Variants in CHAT observed in about 807,000 individuals in gnomAD.
The protein encoded by CHAT is choline O-acetyltransferase, also known as acetyl CoA:choline O-acetyltransferase.
Under a neutral mutation model 76.9 loss-of-function variants are expected in CHAT, and 61 were observed. The ratio of observed to expected loss-of-function variants is 0.79; its 90% CI spans 0.65 to 0.98. The LOEUF (loss-of-function observed/expected upper bound fraction) is 0.98, where lower values mean the gene tolerates loss of function less well. CHAT is among the 50% of genes least tolerant of loss of function. CHAT has a pLI of 0.00. For missense variants in CHAT, 946 were observed against 986.9 expected (o/e 0.96, Z 0.56); for synonymous variants, 407 against 397.4 (o/e 1.02, Z -0.29).
chr10:49,667,619 GAAAGGAGCCTGCTCCAGGTGTCCCC>G lies in CHAT; in HGVS notation c.*2578_*2602del, dbSNP rs1840365370. Among the ~76,000 whole-genome samples, 1 of 152,208 alleles carries G rather than the reference GAAAGGAGCCTGCTCCAGGTGTCCCC, an allele frequency of 6.6e-6. No individual in the cohort carries two copies. Among genetic ancestry groups the G allele is most frequent in the South Asian group, 2.1e-4 (1 of 4,830 alleles). ...AAGGGCATCTCTGCGGGGACCCTGG[GAAAGGAGCCTGCTCCAGGTGTCCCC>G]AAAGAGATGGAAAACAAGACAGTCA... On this transcript the variant is annotated 3_prime_UTR_variant, in exon 15 of 15. Transcript: ENST00000337653.
In CHAT at chr10:49,664,973, T is replaced by C; in HGVS notation, c.2174T>C (p.Leu725Pro). ...GACATGAGAGACCTCTGCAGTCTGC[T>C]GCCGCCTACTGAGAGCAAGCCATTG... ...LIDMRDLCSLLPPTESKPLAT... is the reference protein window; with the variant it reads ...LIDMRDLCSLPPPTESKPLAT... Residue 725 changes from leucine to proline, a missense_variant, in exon 15 of 15, where the codon CTG becomes CCG. Around this residue, in one of 3 missense-constraint regions of CHAT, gnomAD observed 349 missense variants for 393.9 expected, o/e 0.89. Coordinates refer to ENST00000337653, the MANE Select transcript of CHAT (RefSeq NM_020549.5). 6.2e-7 allele frequency: 1 copy of C among 1,614,256 alleles called. No homozygotes were observed. The highest frequency in any genetic ancestry group is 8.5e-7 in the Non-Finnish European group (1 of 1,180,046).
At chr10:49,648,427 AG>A in intron 8 of CHAT, 79 bp from the exon 9 acceptor site, 1 of 1,033,182 alleles carries the variant, frequency 9.7e-7, no homozygotes, top group Non-Finnish European at 1.5e-6. Flanking sequence ...CTGAGAAGCC[AG>A]GGGCCTAACC....
At chr10:49,653,628 G>A (rs146520631) in intron 11 of CHAT, among the ~76,000 whole-genome samples, 2 of 152,348 alleles carry the variant, frequency 1.3e-5, no homozygotes, top group African/African-American at 4.8e-5. Flanking sequence ...GAAGGCCGAT[G>A]TCATCCCACA....
intron 13 of CHAT, among the ~76,000 whole-genome samples, chr10:49,657,975 A>C (rs1590623577): frequency 6.6e-6 from 1 of 152,398 alleles, no homozygotes. Context: ...TCATATTTTC[A>C]GTGCTTTATT....
rs1590632604 is a variant in CHAT at position 49,666,869 on chromosome 10, G to C, written c.*1823G>C. On this transcript the variant is annotated 3_prime_UTR_variant, in exon 15 of 15. Coordinates refer to ENST00000337653, the MANE Select transcript of CHAT (RefSeq NM_020549.5). ...TCTGGGGAAAGGCAGCCCACCTGCT[G>C]TAAGTTGGCCCAAAGCTACTTGTCT... Among the ~76,000 whole-genome samples the C allele has an allele frequency of 6.6e-6, 1 of 152,216 alleles. No homozygotes were observed. Among genetic ancestry groups the C allele is most frequent in the Non-Finnish European group, 1.5e-5 (1 of 68,044 alleles).
rs376561827 is a variant in CHAT, at chr10:49,641,503, T to G, written c.1112-5002T>G. Among the ~76,000 whole-genome samples, 11 of 152,340 alleles carry G rather than the reference T, an allele frequency of 7.2e-5. No individual in the cohort carries two copies. The East Asian group carries it at 1.5e-3, about 21-fold the overall frequency. On this transcript the variant is annotated intron_variant, in intron 7 of 14. Coordinates refer to ENST00000337653, the MANE Select transcript of CHAT (RefSeq NM_020549.5). ...GATGTAACTCAAGTCAAAGCAGTTCTGTTTTGCAAGAGTGAGAAATACTTT... is the reference window on the plus strand; with the variant it reads ...GATGTAACTCAAGTCAAAGCAGTTCGGTTTTGCAAGAGTGAGAAATACTTT...
chr10:49,624,808 T>C (rs1385428162), intron 5 of CHAT, among the ~76,000 whole-genome samples: 1 of 150,946 alleles, frequency 6.6e-6, no homozygotes, highest in African/African-American at 2.4e-5. Context: ...GATGGGTCGA[T>C]GGAAGGATGG....
At chr10:49,625,440 G>T (rs772084714) in intron 5 of CHAT, 33 bp from the exon 6 acceptor site, 1 of 1,607,548 alleles carries the variant, frequency 6.2e-7, no homozygotes, top group South Asian at 1.1e-5. Context: ...CCATCCCCTC[G>T]TGGCTGCCTC....
chr10:49,657,204 T>C (rs1229326767), intron 13 of CHAT, among the ~76,000 whole-genome samples: 1 of 152,146 alleles, frequency 6.6e-6, no homozygotes, highest in Non-Finnish European at 1.5e-5. Context: ...CAAAGCCTGC[T>C]CTGTGCTTCC....
At chr10:49,635,096 C>T (rs1236862982) in intron 7 of CHAT, among the ~76,000 whole-genome samples, 1 of 152,194 alleles carries the variant, frequency 6.6e-6, no homozygotes, top group Non-Finnish European at 1.5e-5. Flanking sequence ...CACCTCACCC[C>T]CTTCTTAACT....
At chr10:49,611,023 G>C (rs1314802904), upstream of CHAT, 4 of 1,613,718 alleles carry the variant, frequency 2.5e-6, no homozygotes, top group Non-Finnish European at 3.4e-6. Context: ...CGCCTACACG[G>C]CCAACACCTC....
upstream of CHAT, chr10:49,611,637 CA>C: frequency 6.2e-7 from 1 of 1,612,068 alleles, no homozygotes; most frequent in Non-Finnish European, 8.5e-7. Flanking sequence ...GCGCGCTCAC[CA>C]CCTGTAACAT....
rs1195667737 is a variant in CHAT, at chr10:49,665,196, G to A, written c.*150G>A. 8 of 855,680 alleles carry A rather than the reference G, an allele frequency of 9.3e-6. No homozygotes were observed. Among genetic ancestry groups the A allele is most frequent in the Non-Finnish European group, 1.5e-5 (8 of 522,258 alleles). The allele number at this position is 855,680 out of a possible 1,614,324, so 53.0% of individuals were successfully genotyped here. ...CATACAGAGACATCACACAGAGCCG[G>A]AGTGTTAGGAGGAAAGGGTCCCCTC... On this transcript the variant is annotated 3_prime_UTR_variant, in exon 15 of 15. Coordinates refer to ENST00000337653, the MANE Select transcript of CHAT (RefSeq NM_020549.5).
intron 5 of CHAT, among the ~76,000 whole-genome samples, chr10:49,623,271 G>GCC (rs1220614485): frequency 6.8e-6 from 1 of 147,522 alleles, no homozygotes; most frequent in African/African-American, 2.7e-5. Flanking sequence ...ATCACTGACT[G>GCC]CCCCCACGAG....
intron 7 of CHAT, among the ~76,000 whole-genome samples, chr10:49,643,664 G>A (rs1839562091): frequency 3.9e-5 from 6 of 152,194 alleles, no homozygotes; most frequent in Admixed American, 3.9e-4. Flanking sequence ...AATTCATGAA[G>A]CTCAAAGCCT....
In CHAT at chr10:49,616,517, T is replaced by C; in HGVS notation, c.302T>C (p.Ile101Thr). ...TGGTCCCCAGGTCCACACCTCTGCA[T>C]CCCTGCACCAGGACTCACCAAGACG... ...EPRRAGPHLC[I>T]PAPGLTKTPI... is the part of the protein sequence containing the mutation. The change falls in exon 2 of 15, where the codon ATC becomes ACC. Residue 101 changes from isoleucine (I) to threonine (T), a missense_variant. Physicochemically the swap from Ile to Thr is moderately conservative, Grantham distance 89. Transcript: ENST00000337653. 2 of 1,612,562 alleles carry C rather than the reference T, an allele frequency of 1.2e-6. No individual in the cohort carries two copies. The highest frequency in any genetic ancestry group is 1.1e-5 in the South Asian group (1 of 90,736).
chr10:49,614,670 G>A (rs1347831484), intron 1 of CHAT, among the ~76,000 whole-genome samples, 195 bp downstream of exon 1: 2 of 152,358 alleles, frequency 1.3e-5, no homozygotes, highest in African/African-American at 4.8e-5. Flanking sequence ...GCCTGGGCTT[G>A]GGGAGGCTTA....
At position 49,640,150 on chromosome 10, in the gene CHAT, TTTTA is replaced by T. The variant is rs1201297095; in HGVS notation, c.1112-6347_1112-6344del. ...TTGAGGCTTTTTTATGATTACTGCT[TTTTA>T]TTTATTTTATTTTAATTTTATTTAT... On this transcript the variant is annotated intron_variant, in intron 7 of 14. Transcript: ENST00000337653. Among the ~76,000 whole-genome samples, 4 of 151,926 alleles carry T rather than the reference TTTTA, an allele frequency of 2.6e-5. No homozygotes were observed. In the East Asian group the frequency reaches 5.8e-4, roughly 22 times the overall value.
At chr10:49,635,229 C>T (rs994098368) in intron 7 of CHAT, among the ~76,000 whole-genome samples, 3 of 152,174 alleles carry the variant, frequency 2.0e-5, no homozygotes, top group South Asian at 2.1e-4. Context: ...TATAATTCTC[C>T]GGATGGAGAT....
Sources: gnomAD v4.1 joint callset for allele counts (sites outside exome capture counted in the v4.1 genomes callset) on GRCh38, gnomAD v4.1.1 for gene constraint, gnomAD v4.1.1 regional missense constraint, MANE v1.5 for transcripts, NCBI Gene and HGNC (gene_info 2026-07-23, HGNC 2026-07-21) for gene names.